DLGAP1: variants seen among roughly 807,000 people sequenced by gnomAD.
DLGAP1 encodes DLG associated protein 1.
Under a neutral mutation model 90.8 loss-of-function variants are expected in DLGAP1, and 11 were observed. The ratio of observed to expected loss-of-function variants is 0.12; its 90% CI spans 0.08 to 0.20. DLGAP1 has a LOEUF of 0.20. Ranked by LOEUF, DLGAP1 falls within the 10% of genes least tolerant of loss-of-function variation. DLGAP1 has a pLI of 1.00. For synonymous variants in DLGAP1, 558 were observed against 540.7 expected, an observed-to-expected ratio of 1.03 and a Z score of -0.44; for missense variants, 1,050 against 1,333.8, an observed-to-expected ratio of 0.79 and a Z score of 3.31.
At chr18:4,110,229 G>A (rs1175983109) in intron 2 of DLGAP1, among the ~76,000 whole-genome samples, 1 of 152,174 alleles carries the variant, frequency 6.6e-6, no homozygotes, top group Non-Finnish European at 1.5e-5. Context: ...TGTACTAGAT[G>A]CTGTAGGCAA....
At position 4,383,354 on chromosome 18, in the gene DLGAP1, A is replaced by T. The variant is rs2082168588; in HGVS notation, c.-267+71652T>A. Among the ~76,000 whole-genome samples, 1 of 152,182 alleles carries T rather than the reference A, an allele frequency of 6.6e-6. No homozygotes were observed. The highest frequency in any genetic ancestry group is 1.5e-5 in the Non-Finnish European group (1 of 68,012). On this transcript the variant is annotated intron_variant, in intron 1 of 12. Coordinates refer to ENST00000315677, the MANE Select transcript of DLGAP1 (RefSeq NM_004746.4). The surrounding 1 kb of genome is among the most constrained non-coding windows in gnomAD (Gnocchi z 4.0). ...TTAAACTCAAAATATTTAGTACATT[A>T]ATGGGATTTTCATGGTTTTCATTAG...
intron 1 of DLGAP1, among the ~76,000 whole-genome samples, chr18:4,330,049 C>T (rs2080913548): frequency 6.6e-6 from 1 of 151,868 alleles, no homozygotes; most frequent in South Asian, 2.1e-4. Flanking sequence ...GCTTGATAGA[C>T]ATTGAGCTTT....
intron 4 of DLGAP1, among the ~76,000 whole-genome samples, chr18:3,857,449 C>G (rs1304096061): frequency 1.3e-5 from 2 of 151,996 alleles, no homozygotes; most frequent in Non-Finnish European, 2.9e-5. Context: ...AAACATTTAT[C>G]AAAATGACAC....
intron 7 of DLGAP1, among the ~76,000 whole-genome samples, chr18:3,618,458 T>C (rs1297848281): frequency 2.0e-5 from 3 of 151,872 alleles, no homozygotes; most frequent in African/African-American, 7.2e-5. Context: ...AGGGTGTGTA[T>C]GGACTTGGTG....
chr18:4,210,004 G>A (rs2077809245), intron 1 of DLGAP1, among the ~76,000 whole-genome samples: 1 of 152,116 alleles, frequency 6.6e-6, no homozygotes, highest in Non-Finnish European at 1.5e-5. Context: ...ACTTGAACAT[G>A]CCCTAATTCA....
chr18:3,709,982 A>G (rs1188591541), intron 7 of DLGAP1, among the ~76,000 whole-genome samples: 3 of 152,206 alleles, frequency 2.0e-5, no homozygotes, highest in Non-Finnish European at 4.4e-5. Context: ...ACTCAGGTCT[A>G]TAGAAGATGA....
intron 4 of DLGAP1, among the ~76,000 whole-genome samples, chr18:3,863,092 A>G (rs1298784668): frequency 6.6e-6 from 1 of 152,242 alleles, no homozygotes; most frequent in East Asian, 1.9e-4. Context: ...GGGATTAATA[A>G]ACAACAGGAA....
intron 3 of DLGAP1, among the ~76,000 whole-genome samples, chr18:3,980,821 T>C (rs1171423175): frequency 6.6e-6 from 1 of 152,220 alleles, no homozygotes; most frequent in African/African-American, 2.4e-5. Context: ...GTATCATATA[T>C]TCATATACAT....
intron 2 of DLGAP1, among the ~76,000 whole-genome samples, chr18:4,121,405 C>G (rs1398231684): frequency 6.6e-6 from 1 of 152,022 alleles, no homozygotes; most frequent in Non-Finnish European, 1.5e-5. Context: ...CAGGCACTTC[C>G]TTGTAAAATC....
At chr18:4,191,821 T>C (rs2077405978) in intron 1 of DLGAP1, among the ~76,000 whole-genome samples, 2 of 152,194 alleles carry the variant, frequency 1.3e-5, no homozygotes, top group African/African-American at 4.8e-5. Flanking sequence ...CCAACTGCAA[T>C]GACTCAGTGA....
At chr18:4,095,629 A>G (rs1345555455) in intron 2 of DLGAP1, among the ~76,000 whole-genome samples, 1 of 152,114 alleles carries the variant, frequency 6.6e-6, no homozygotes, top group African/African-American at 2.4e-5. Context: ...AGTCAGGGCC[A>G]GAAAGACAGA....
At chr18:3,849,507 C>T (rs1317742487) in intron 4 of DLGAP1, among the ~76,000 whole-genome samples, 3 of 151,962 alleles carry the variant, frequency 2.0e-5, no homozygotes, top group African/African-American at 7.2e-5. Flanking sequence ...CTAAGAAATA[C>T]CAATTCCGCA....
intron 1 of DLGAP1, among the ~76,000 whole-genome samples, chr18:4,197,776 G>A (rs1568446073): frequency 6.6e-6 from 1 of 152,132 alleles, no homozygotes; most frequent in Non-Finnish European, 1.5e-5. Flanking sequence ...ATCTGCAGGT[G>A]TCAGCTAAAA....
chr18:4,215,701 C>G (rs2144923930), intron 1 of DLGAP1, among the ~76,000 whole-genome samples: 1 of 152,136 alleles, frequency 6.6e-6, no homozygotes. Flanking sequence ...CTTACTATGC[C>G]AAGGATATTG....
intron 7 of DLGAP1, among the ~76,000 whole-genome samples, chr18:3,583,171 TA>T (rs1568240674): frequency 0.045 from 6,267 of 140,492 alleles, 212 homozygotes; most frequent in Non-Finnish European, 0.057. Flanking sequence ...CCTACCTACC[TA>T]CCTACCTACC....
intron 1 of DLGAP1, among the ~76,000 whole-genome samples, chr18:4,284,124 A>G (rs1227113980): frequency 6.6e-6 from 1 of 150,786 alleles, no homozygotes; most frequent in Admixed American, 6.6e-5. Context: ...ATGCACTATG[A>G]TTATAGGTGC....
At chr18:4,145,566 TA>T (rs2076571571) in intron 2 of DLGAP1, among the ~76,000 whole-genome samples, 1 of 152,056 alleles carries the variant, frequency 6.6e-6, no homozygotes, top group South Asian at 2.1e-4. Flanking sequence ...CAACTGAAAC[TA>T]AAAAACACAT....
intron 9 of DLGAP1, among the ~76,000 whole-genome samples, chr18:3,564,990 A>C (rs1310023653): frequency 4.6e-5 from 7 of 152,072 alleles, no homozygotes; most frequent in Admixed American, 4.6e-4. Context: ...TTTACATATA[A>C]GGAAACTAAG....
At chr18:3,747,490 GT>G (rs2063320349) in intron 5 of DLGAP1, among the ~76,000 whole-genome samples, 1 of 152,164 alleles carries the variant, frequency 6.6e-6, no homozygotes, top group South Asian at 2.1e-4. Context: ...GATGACAAAT[GT>G]GTTTCTTTGA....
Sources: gnomAD v4.1 joint callset for allele counts (sites outside exome capture counted in the v4.1 genomes callset) on GRCh38, gnomAD v4.1.1 for gene constraint, Gnocchi (gnomAD v3.1) non-coding constraint, MANE v1.5 for transcripts, NCBI Gene and HGNC (gene_info 2026-07-23, HGNC 2026-07-21) for gene names.